MARK3: variants seen among roughly 807,000 people sequenced by gnomAD.
MARK3 encodes the protein microtubule affinity regulating kinase 3.
Under a neutral mutation model 90.1 loss-of-function variants are expected in MARK3, and 46 were observed. The ratio of observed to expected loss-of-function variants is 0.51; its 90% confidence interval spans 0.40 to 0.65. MARK3 has a LOEUF of 0.65. Among genes scored for constraint, MARK3 ranks in the 30% least tolerant of loss-of-function variants. The pLI is 0.00. For synonymous variants in MARK3, 321 were observed against 332.6 expected (o/e 0.97, Z 0.38); for missense variants, 818 against 947.2 (o/e 0.86, Z 1.79).
In MARK3 at chr14:103,465,581, G is replaced by A. The variant is rs768452348; in HGVS notation, c.565G>A (p.Asp189Asn). The change falls in exon 8 of 18, where the codon GAT becomes AAT. Residue 189 changes from aspartate to asparagine, a missense_variant. Physicochemically the swap from Asp to Asn is conservative, Grantham distance 23. Transcript: ENST00000429436. ...GGCTGAAAATCTATTGTTAGATGCC[G>A]ATATGAACATTAAAATAGCAGATTT... ...LKAENLLLDA[D>N]MNIKIADFGF... The A allele has an allele frequency of 2.6e-5, 42 of 1,613,448 alleles. No homozygotes were observed. Among genetic ancestry groups the A allele is most frequent in the Admixed American group, 3.3e-5 (2 of 59,986 alleles).
At chr14:103,396,735 AG>A (rs1362968838) in intron 1 of MARK3, among the ~76,000 whole-genome samples, 29 of 152,130 alleles carry the variant, frequency 1.9e-4, no homozygotes, top group Middle Eastern at 3.4e-3. Context: ...ATCTCTCATA[AG>A]AACTCTCCTA....
chr14:103,425,977 G>A (rs1257242970), intron 2 of MARK3, among the ~76,000 whole-genome samples: 2 of 152,224 alleles, frequency 1.3e-5, no homozygotes, highest in East Asian at 3.8e-4. Flanking sequence ...TTAAAACATG[G>A]TGTTAATGTA....
At chr14:103,464,689 T>C (rs780971062) in intron 7 of MARK3, among the ~76,000 whole-genome samples, 19 of 152,136 alleles carry the variant, frequency 1.2e-4, no homozygotes, top group Non-Finnish European at 2.5e-4. Flanking sequence ...GAAATGCCCC[T>C]TTTTAAAAAA....
At chr14:103,446,390 G>T (rs956094206) in intron 3 of MARK3, among the ~76,000 whole-genome samples, 1 of 152,084 alleles carries the variant, frequency 6.6e-6, no homozygotes, top group Non-Finnish European at 1.5e-5. Context: ...GCCAGGCATG[G>T]TGGGACCTAC....
chr14:103,479,270 C>G (rs906674003), intron 13 of MARK3, among the ~76,000 whole-genome samples: 1 of 151,956 alleles, frequency 6.6e-6, no homozygotes, highest in Non-Finnish European at 1.5e-5. Context: ...TAGGCTCAAG[C>G]AGACATCCTG....
chr14:103,423,175 T>C (rs1230433298), intron 2 of MARK3, among the ~76,000 whole-genome samples: 1 of 135,862 alleles, frequency 7.4e-6, no homozygotes, highest in East Asian at 2.2e-4. Context: ...TTCAGGCCAC[T>C]CTATCCCCCT....
intron 17 of MARK3, among the ~76,000 whole-genome samples, chr14:103,500,674 G>T (rs1476221734): frequency 6.6e-6 from 1 of 151,484 alleles, no homozygotes; most frequent in Admixed American, 6.6e-5. Context: ...CTGTCACCCA[G>T]TCTGGAGTGT....
intron 2 of MARK3, chr14:103,417,537 G>A (rs2091999128): frequency 2.0e-5 from 3 of 152,074 alleles, no homozygotes; most frequent in South Asian, 2.1e-4. Flanking sequence ...AGCCATTGAG[G>A]TGCCAAGGGT....
At chr14:103,386,926 T>A (rs149715707) in intron 1 of MARK3, among the ~76,000 whole-genome samples, 95 of 152,358 alleles carry the variant, frequency 6.2e-4, no homozygotes, top group African/African-American at 2.1e-3. Context: ...TGAGAACTTG[T>A]AGTAGAAATT....
intron 5 of MARK3, among the ~76,000 whole-genome samples, chr14:103,455,136 G>GA (rs754796938): frequency 4.0e-5 from 6 of 151,256 alleles, no homozygotes; most frequent in Admixed American, 2.0e-4. Flanking sequence ...TTCAAATTTA[G>GA]AAAAAAAAAT....
intron 2 of MARK3, among the ~76,000 whole-genome samples, chr14:103,416,458 A>G (rs1303112231): frequency 1.3e-5 from 2 of 152,192 alleles, no homozygotes; most frequent in East Asian, 3.8e-4. Context: ...GATAACATGG[A>G]CAGTTCTTCC....
intron 2 of MARK3, among the ~76,000 whole-genome samples, chr14:103,425,653 G>A (rs913725446): frequency 2.6e-5 from 4 of 152,310 alleles, no homozygotes; most frequent in South Asian, 2.1e-4. Context: ...AAGACAGTTC[G>A]TGTTTGCCTG....
rs547755558 is a variant in MARK3 at position 103,468,107 on chromosome 14, C to T, written c.1185C>T (p.Asn395=). Residue 395 remains asparagine (N), a synonymous_variant, in exon 12 of 18, where the codon AAC becomes AAT. Coordinates refer to ENST00000429436, the MANE Select transcript of MARK3 (RefSeq NM_001128918.3). The part of the protein sequence containing the change: ...AKVRPSSDLN[N]STGQSPHHKV... Reference sequence around the variant, plus strand: ...TTAGGCCGAGCAGTGATCTCAACAACAGTACTGGCCAGTCTCCTCACCACA... The same window carrying T: ...TTAGGCCGAGCAGTGATCTCAACAATAGTACTGGCCAGTCTCCTCACCACA... 1.9e-6 allele frequency: 3 copies of T among 1,613,988 alleles called. No individual in the cohort carries two copies. Among genetic ancestry groups the T allele is most frequent in the African/African-American group, 1.3e-5 (1 of 75,012 alleles).
At chr14:103,424,050 A>C (rs1384197679) in intron 2 of MARK3, among the ~76,000 whole-genome samples, 1 of 152,094 alleles carries the variant, frequency 6.6e-6, no homozygotes, top group Non-Finnish European at 1.5e-5. Flanking sequence ...TACTAAAAAA[A>C]TACAAAAATT....
At chr14:103,482,789 T>A (rs2093850268) in intron 14 of MARK3, among the ~76,000 whole-genome samples, 1 of 152,198 alleles carries the variant, frequency 6.6e-6, no homozygotes, top group Non-Finnish European at 1.5e-5. Flanking sequence ...CTTCTTTAAT[T>A]TCTTTGGCAA....
At chr14:103,495,698 C>T (rs1375670303) in intron 15 of MARK3, among the ~76,000 whole-genome samples, 3 of 152,188 alleles carry the variant, frequency 2.0e-5, no homozygotes, top group Non-Finnish European at 4.4e-5. Context: ...TTCCACACCC[C>T]CAGATTTTTG....
Position 103,467,097 on chromosome 14 carries a change from G to A in MARK3, c.1016G>A (p.Gly339Glu), listed in dbSNP as rs933009953. ...CTTTTAGATATTATGGTGGGAATGG[G>A]ATATTCACAAGAAGAAATTCAAGAA... ...QKRIDIMVGM[G>E]YSQEEIQESL... The change falls in exon 11 of 18, where the codon GGA (glycine) becomes GAA (glutamate). Residue 339 changes from glycine (G) to glutamate (E), a missense_variant. This residue lies in a region of MARK3 where 560 missense variants were observed against 613.5 expected (regional missense o/e 0.91). Transcript: ENST00000429436. 6.5e-7 allele frequency: 1 copy of A among 1,542,680 alleles called. No individual in the cohort carries two copies. Among genetic ancestry groups the A allele is most frequent in the Admixed American group, 1.7e-5 (1 of 59,438 alleles).
chr14:103,399,699 CAAAAAAAAAAAAAGA>C (rs1401487950), intron 1 of MARK3, among the ~76,000 whole-genome samples: 101 of 84,328 alleles, frequency 1.2e-3, no homozygotes, highest in Middle Eastern at 6.2e-3. Context: ...GACTCCATCT[CAAAAAAAAAAAAAGA>C]AAAAAAAAAA....
intron 13 of MARK3, 147 bp from the exon 14 acceptor site, chr14:103,480,240 A>C (rs2093796420): frequency 1.9e-6 from 1 of 530,544 alleles, no homozygotes. Context: ...GCTCCACTGC[A>C]CTCCAGCCTG....
Sources: allele counts gnomAD v4.1 joint callset (sites outside exome capture counted in the v4.1 genomes callset), GRCh38; gene constraint gnomAD v4.1.1; regional missense constraint gnomAD v4.1.1; transcripts MANE v1.5; gene names NCBI Gene and HGNC (gene_info 2026-07-23, HGNC 2026-07-21).